The following ATP11A variants were observed in gnomAD, a reference collection of about 807,000 sequenced individuals.
ATP11A encodes ATPase phospholipid transporting 11A, also known as phospholipid-transporting ATPase IH.
ATP11A carries 81 observed loss-of-function variants against 154.4 expected under a neutral mutation model. The observed-to-expected ratio is 0.52, with a 90% CI of 0.44 to 0.63. ATP11A has a LOEUF of 0.63. ATP11A is among the 30% of genes least tolerant of loss of function. ATP11A has a pLI of 0.00. For missense variants in ATP11A, 1,316 were observed against 1,474.3 expected (o/e 0.89, Z 1.76); for synonymous variants, 623 against 585.9 (o/e 1.06, Z -0.91).
intron 1 of ATP11A, among the ~76,000 whole-genome samples, chr13:112,718,443 A>G (rs1433374986): frequency 1.3e-5 from 2 of 152,196 alleles, no homozygotes; most frequent in African/African-American, 4.8e-5. Flanking sequence ...AAGCAAGAAG[A>G]CAACTGTGCC....
intron 16 of ATP11A, among the ~76,000 whole-genome samples, chr13:112,842,012 AAC>A (rs1160782132): frequency 6.6e-6 from 1 of 152,108 alleles, no homozygotes; most frequent in Non-Finnish European, 1.5e-5. Context: ...CCAGAGAAAA[AAC>A]AGAGTCCCGG....
At chr13:112,728,205 A>C (rs954740031) in intron 1 of ATP11A, among the ~76,000 whole-genome samples, 1 of 152,194 alleles carries the variant, frequency 6.6e-6, no homozygotes, top group Non-Finnish European at 1.5e-5. Flanking sequence ...ACCTTTACCC[A>C]GATAACTGGA....
chr13:112,700,107 G>C lies in ATP11A; in HGVS notation c.39+9652G>C, dbSNP rs938951139. Reference sequence around the variant, plus strand: ...TAAGATCATTTTTCCTGGTAGGAAGGTAAAAGATTTTAAAGAGAAGGTTTG... The same window carrying C: ...TAAGATCATTTTTCCTGGTAGGAAGCTAAAAGATTTTAAAGAGAAGGTTTG... On this transcript the variant is annotated intron_variant, in intron 1 of 29. Coordinates refer to ENST00000375645, the MANE Select transcript of ATP11A (RefSeq NM_015205.3). 1.3e-4 allele frequency among the ~76,000 whole-genome samples: 20 copies of C among 151,242 alleles called. 1 individual carries two copies. Among genetic ancestry groups the C allele is most frequent in the African/African-American group, 3.4e-4 (14 of 41,046 alleles).
At chr13:112,812,884 C>G (rs1030041673) in intron 5 of ATP11A, among the ~76,000 whole-genome samples, 5 of 152,206 alleles carry the variant, frequency 3.3e-5, no homozygotes, top group African/African-American at 9.7e-5. Flanking sequence ...GCATCCGGTC[C>G]CAGGCCTTCA....
intron 25 of ATP11A, among the ~76,000 whole-genome samples, chr13:112,864,829 A>G (rs1258824757): frequency 2.5e-4 from 19 of 76,620 alleles, no homozygotes; most frequent in South Asian, 4.8e-4. Flanking sequence ...AATTCAGTGC[A>G]GCCCATGCAG....
chr13:112,795,708 G>A (rs1330669267), intron 2 of ATP11A, among the ~76,000 whole-genome samples: 2 of 152,238 alleles, frequency 1.3e-5, no homozygotes, highest in African/African-American at 2.4e-5. Flanking sequence ...ACATGGGTGA[G>A]CTAAGGTATT....
rs368062526 is a variant in ATP11A, at chr13:112,806,338, A to T, written c.333+45A>T. The T allele has an allele frequency of 7.7e-6, 11 of 1,433,972 alleles. No individual in the cohort carries two copies. In the African/African-American group the frequency reaches 8.4e-5, roughly 11 times the overall value. 88.8% of individuals were successfully genotyped at this position (1,433,972 alleles called of 1,614,324 possible). Reference sequence around the variant, plus strand: ...AAAAGAAGCAATCGTCATCTTCACCATGTGAATTGCCTTTCATTCAAAGCG... The same window carrying T: ...AAAAGAAGCAATCGTCATCTTCACCTTGTGAATTGCCTTTCATTCAAAGCG... On this transcript the variant is annotated intron_variant, in intron 4 of 29. Transcript: ENST00000375645.
At position 112,875,492 on chromosome 13, in the gene ATP11A, G is replaced by GTT. The variant is rs35972555; in HGVS notation, c.3162-271_3162-270dup. 2.1e-5 allele frequency among the ~76,000 whole-genome samples: 3 copies of GTT among 146,012 alleles called. No individual in the cohort carries two copies. Among genetic ancestry groups the GTT allele is most frequent in the African/African-American group, 7.5e-5 (3 of 39,940 alleles). ...TCAATCCCTTTGTGTTTTGTTTTTT[G>GTT]TTTTTTTTTTTTTTGCTTCTGTGAA... is the stretch of plus-strand genomic sequence containing the variant. On this transcript the variant is annotated intron_variant, in intron 27 of 29. Transcript: ENST00000375645. This position sits in a 1 kb window ranked among gnomAD's most constrained non-coding sequence, Gnocchi z 4.1.
At chr13:112,873,705 T>G in intron 27 of ATP11A, 29 bp downstream of exon 27, 1 of 1,561,316 alleles carries the variant, frequency 6.4e-7, no homozygotes, top group Non-Finnish European at 8.8e-7. Context: ...GCTGATAATC[T>G]GATAAATATC....
intron 1 of ATP11A, among the ~76,000 whole-genome samples, chr13:112,695,992 G>T (rs1310999576): frequency 6.6e-6 from 1 of 152,220 alleles, no homozygotes; most frequent in Non-Finnish European, 1.5e-5. Flanking sequence ...GAACAAAATG[G>T]TACATCCCAG....
At chr13:112,756,894 G>T (rs1005429783) in intron 1 of ATP11A, among the ~76,000 whole-genome samples, 2 of 152,250 alleles carry the variant, frequency 1.3e-5, no homozygotes, top group South Asian at 4.1e-4. Context: ...CACGGGGCCT[G>T]CTCCCAGCGC....
intron 8 of ATP11A, among the ~76,000 whole-genome samples, chr13:112,822,767 C>G (rs1287409235): frequency 6.9e-6 from 1 of 145,308 alleles, no homozygotes; most frequent in African/African-American, 2.6e-5. Context: ...AAAAAGGAAA[C>G]AGTTGAAAGT....
chr13:112,739,440 G>A (rs558898083), intron 1 of ATP11A, among the ~76,000 whole-genome samples: 1 of 152,326 alleles, frequency 6.6e-6, no homozygotes, highest in East Asian at 1.9e-4. Context: ...CCCACTAAGA[G>A]GGCTGTAATA....
intron 25 of ATP11A, among the ~76,000 whole-genome samples, chr13:112,869,657 C>A (rs1297517698): frequency 6.6e-6 from 1 of 152,198 alleles, no homozygotes; most frequent in African/African-American, 2.4e-5. Context: ...TTCCTCCAGG[C>A]CCAGCTGATG....
At position 112,854,454 on chromosome 13, in the gene ATP11A, C is replaced by T. The variant is rs1197835040; in HGVS notation, c.2167C>T (p.Leu723=). Residue 723 remains leucine (L), a synonymous_variant, in exon 19 of 30, where the codon CTG becomes TTG. Transcript: ENST00000375645. The stretch of plus-strand genomic sequence containing the variant: ...CACCAAGAGGATCGAGGAGCAGAGC[C>T]TGCACGACGTCCTGTTCGAGCTGAG... The part of the protein sequence containing the change: ...LTTKRIEEQS[L]HDVLFELSKT... The T allele has an allele frequency of 6.2e-7, 1 of 1,613,038 alleles. No individual in the cohort carries two copies. The highest frequency in any genetic ancestry group is 8.5e-7 in the Non-Finnish European group (1 of 1,180,032).
At chr13:112,767,465 T>C (rs1353686621) in intron 1 of ATP11A, among the ~76,000 whole-genome samples, 1 of 77,760 alleles carries the variant, frequency 1.3e-5, no homozygotes, top group Non-Finnish European at 2.5e-5. Context: ...GTGGGGAGGG[T>C]GTGGGAGTGC....
rs748008525 is a variant in ATP11A, at chr13:112,855,989, C to G, written c.2322C>G (p.Asp774Glu). 2.5e-6 allele frequency: 4 copies of G among 1,614,162 alleles called. No individual in the cohort carries two copies. Among genetic ancestry groups the G allele is most frequent in the Middle Eastern group, 1.6e-4 (1 of 6,062 alleles). ...ALSLIMKPRE[D>E]GSSGNYRELF... ...CTCTGATAATGAAGCCTCGAGAAGA[C>G]GGGAGTTCCGGCAACTACAGGGAGC... Residue 774 changes from aspartate to glutamate, a missense_variant, in exon 20 of 30, where the codon GAC becomes GAG. Around this residue, in one of 5 missense-constraint regions of ATP11A, gnomAD observed 876 missense variants for 1,006.8 expected, o/e 0.87. Coordinates refer to ENST00000375645, the MANE Select transcript of ATP11A (RefSeq NM_015205.3).
chr13:112,729,751 C>G (rs1005144343), intron 1 of ATP11A, among the ~76,000 whole-genome samples: 1 of 152,260 alleles, frequency 6.6e-6, no homozygotes, highest in Non-Finnish European at 1.5e-5. Flanking sequence ...GCCAGCAGGC[C>G]GCTGAATCTC....
At chr13:112,771,335 G>A (rs922970690) in intron 1 of ATP11A, among the ~76,000 whole-genome samples, 2 of 152,198 alleles carry the variant, frequency 1.3e-5, no homozygotes, top group Non-Finnish European at 2.9e-5. Flanking sequence ...GCGCCAGGCA[G>A]AGACACCTTG....
Sources: gnomAD v4.1 joint callset for allele counts (sites outside exome capture counted in the v4.1 genomes callset) on GRCh38, gnomAD v4.1.1 for gene constraint, gnomAD v4.1.1 regional missense constraint, Gnocchi (gnomAD v3.1) non-coding constraint, MANE v1.5 for transcripts, NCBI Gene and HGNC (gene_info 2026-07-23, HGNC 2026-07-21) for gene names.